Variants in CS observed in about 807,000 individuals in gnomAD.
The protein encoded by CS is citrate synthase, mitochondrial.
In CS, 13 loss-of-function variants were observed where a neutral mutation model predicts 61.4. The observed-to-expected ratio is 0.21, with a 90% CI of 0.14 to 0.34. The LOEUF (loss-of-function observed/expected upper bound fraction) is 0.34. Ranked by LOEUF, CS falls within the 10% of genes least tolerant of loss-of-function variation. The pLI, the probability that CS is intolerant of heterozygous loss-of-function variation, is 1.00. For missense variants in CS, 278 were observed against 573.4 expected, an observed-to-expected ratio of 0.48 and a Z score of 5.26; for synonymous variants, 159 against 215.2, an observed-to-expected ratio of 0.74 and a Z score of 2.29.
At chr12:56,295,951 CAAAAAAAAAAAAA>C (rs71081343) in intron 1 of CS, among the ~76,000 whole-genome samples, 57 of 40,508 alleles carry the variant, frequency 1.4e-3, no homozygotes, top group African/African-American at 6.4e-3. Context: ...GAAACTGTCT[CAAAAAAAAAAAAA>C]AAAAAAAAAA....
At chr12:56,289,822 TCAAG>T (rs1471950268) in intron 1 of CS, among the ~76,000 whole-genome samples, 1 of 152,112 alleles carries the variant, frequency 6.6e-6, no homozygotes, top group Non-Finnish European at 1.5e-5. Context: ...ACTCCTGGGC[TCAAG>T]CGATCTTCCT....
At chr12:56,293,772 T>C (rs1434244863) in intron 1 of CS, among the ~76,000 whole-genome samples, 1 of 152,120 alleles carries the variant, frequency 6.6e-6, no homozygotes, top group Non-Finnish European at 1.5e-5. Context: ...CGGAAGAAGC[T>C]CCTGATTTTA....
intron 6 of CS, among the ~76,000 whole-genome samples, chr12:56,279,582 C>T (rs1199305319): frequency 2.0e-5 from 3 of 151,720 alleles, no homozygotes; most frequent in East Asian, 1.9e-4. Context: ...CTGGCTAACA[C>T]GGTGAAACCC....
At chr12:56,280,086 G>A (rs572106311) in intron 6 of CS, among the ~76,000 whole-genome samples, 11 of 151,432 alleles carry the variant, frequency 7.3e-5, no homozygotes, top group Admixed American at 2.6e-4. Flanking sequence ...TGGACCAGCC[G>A]TTCTAGACCA....
At chr12:56,296,018 G>A (rs1448023938) in intron 1 of CS, among the ~76,000 whole-genome samples, 1 of 150,242 alleles carries the variant, frequency 6.7e-6, no homozygotes, top group Non-Finnish European at 1.5e-5. Context: ...GACACTTTAG[G>A]GATTTACAAG....
chr12:56,271,898 G>T lies in CS; in HGVS notation c.*1186C>A, dbSNP rs1233345976. 1 of 456,220 alleles carries T rather than the reference G, an allele frequency of 2.2e-6. No individual in the cohort carries two copies. The highest frequency in any genetic ancestry group is 4.4e-6 in the Non-Finnish European group (1 of 226,748). The allele number at this position is 456,220 out of a possible 1,614,324, so 28.3% of individuals were successfully genotyped here. On this transcript the variant is annotated 3_prime_UTR_variant, in exon 11 of 11. Transcript: ENST00000351328. The stretch of plus-strand genomic sequence containing the variant: ...GAGTGTATCTTAATCCTTTCTCAAA[G>T]AAAAAGAAGTAGAGCATTCTGAGTT...
At chr12:56,284,349 A>AG (rs1565621538) in intron 3 of CS, among the ~76,000 whole-genome samples, 1 of 150,016 alleles carries the variant, frequency 6.7e-6, no homozygotes, top group Non-Finnish European at 1.5e-5. Flanking sequence ...AAAAAAAAAA[A>AG]CAAACTTTGT....
chr12:56,283,683 A>G lies in CS; in HGVS notation c.267+109T>C, dbSNP rs868061757. ...ACATATGTCTTCTCTACCTTCCAAT[A>G]TATGAAGCTAGGTGCTCTGTTTTGT... is the stretch of plus-strand genomic sequence containing the variant. On this transcript the variant is annotated intron_variant, in intron 4 of 10. Coordinates refer to ENST00000351328, the MANE Select transcript of CS (RefSeq NM_004077.3). The G allele has an allele frequency of 8.1e-6, 6 of 744,980 alleles. No homozygotes were observed. In the Middle Eastern group the frequency reaches 1.2e-3, roughly 154 times the overall value. 46.1% of individuals were successfully genotyped at this position (744,980 alleles called of 1,614,324 possible). A position where few individuals can be genotyped will look rare whatever the true frequency, so the allele number is the denominator to read the frequency against.
chr12:56,278,971 C>T lies in CS; in HGVS notation c.589-2776G>A, dbSNP rs71459357. ...GTATTATTTTGTAGAGATGGGGTTTCGCCATGTTGGCCAGACTGGTCTTGA... is the reference window on the plus strand; with the variant it reads ...GTATTATTTTGTAGAGATGGGGTTTTGCCATGTTGGCCAGACTGGTCTTGA... On this transcript the variant is annotated intron_variant, in intron 6 of 10. Transcript: ENST00000351328. Among the ~76,000 whole-genome samples, 513 of 152,050 alleles carry T rather than the reference C, an allele frequency of 3.4e-3. 3 individuals are homozygous for T. Among genetic ancestry groups the T allele is most frequent in the Non-Finnish European group, 5.6e-3 (384 of 67,976 alleles).
intron 1 of CS, among the ~76,000 whole-genome samples, chr12:56,296,727 C>T (rs933258338): frequency 6.6e-6 from 1 of 152,104 alleles, no homozygotes; most frequent in African/African-American, 2.4e-5. Flanking sequence ...TTCTTGCTGC[C>T]TCCCCATGCA....
chr12:56,284,146 C>A (rs1872858331), intron 3 of CS, among the ~76,000 whole-genome samples: 1 of 151,462 alleles, frequency 6.6e-6, no homozygotes, highest in South Asian at 2.1e-4. Flanking sequence ...CAGGGTGAAA[C>A]CATGTCTCTA....
chr12:56,295,425 G>A (rs909461354), intron 1 of CS, among the ~76,000 whole-genome samples: 1 of 151,874 alleles, frequency 6.6e-6, no homozygotes, highest in South Asian at 2.1e-4. Context: ...GGAGGCTGAG[G>A]CAGGAGAATA....
chr12:56,285,279 ATCTT>A (rs779736145), intron 3 of CS: 1 of 445,376 alleles, frequency 2.2e-6, no homozygotes. Flanking sequence ...AGAAATCACT[ATCTT>A]TCTTTTTGTT....
chr12:56,283,807 A>T lies in CS; in HGVS notation c.252T>A (p.Val84=), dbSNP rs1332931008. The T allele has an allele frequency of 2.5e-6, 4 of 1,611,436 alleles. No homozygotes were observed. In the African/African-American group the frequency reaches 5.3e-5, roughly 22 times the overall value. Residue 84 remains valine, a synonymous_variant, in exon 4 of 11, where the codon GTT becomes GTA. Coordinates refer to ENST00000351328, the MANE Select transcript of CS (RefSeq NM_004077.3). ...GMKGLVYETS[V]LDPDEGIRFR... is the part of the protein sequence containing the mutation. The stretch of plus-strand genomic sequence containing the variant: ...GATGTCTTACCTCATCAGGATCAAG[A>T]ACTGATGTTTCATAGACCAATCCCT...
At chr12:56,293,105 C>CA (rs933116294) in intron 1 of CS, among the ~76,000 whole-genome samples, 1 of 151,744 alleles carries the variant, frequency 6.6e-6, no homozygotes, top group African/African-American at 2.4e-5. Context: ...GACTCTGTCT[C>CA]AAAAAACAAA....
intron 1 of CS, among the ~76,000 whole-genome samples, chr12:56,292,091 C>A (rs1343326438): frequency 6.6e-6 from 1 of 152,168 alleles, no homozygotes; most frequent in Non-Finnish European, 1.5e-5. Flanking sequence ...TCTGCCTTTG[C>A]CTCTTTAAAA....
chr12:56,294,613 C>G (rs1292660619), intron 1 of CS, among the ~76,000 whole-genome samples: 1 of 151,592 alleles, frequency 6.6e-6, no homozygotes, highest in African/African-American at 2.4e-5. Context: ...GTCACCCAGG[C>G]TGGAGTGCAG....
chr12:56,273,257 G>GT lies in CS; in HGVS notation c.1231-4dup. 6.2e-7 allele frequency: 1 copy of GT among 1,613,500 alleles called. No individual in the cohort carries two copies. The highest frequency in any genetic ancestry group is 8.5e-7 in the Non-Finnish European group (1 of 1,179,674). On this transcript the variant is annotated splice_polypyrimidine_tract_variant and splice_region_variant and intron_variant, in intron 10 of 10. Transcript: ENST00000351328. ...TTCATCTCCGTCATGCCATAATACT[G>GT]TAAGGTAGAAGAGAAAAATATTTCA...
At position 56,285,118 on chromosome 12, in the gene CS, T is replaced by C. The variant is rs141724655; in HGVS notation, c.201+798A>G. ...TGCCACCATGCCCAGCTAATTTTTA[T>C]ATTTTTTAGTAGAGACGGAGTTTTA... On this transcript the variant is annotated intron_variant, in intron 3 of 10. Transcript: ENST00000351328. The C allele has an allele frequency of 2.9e-3, 617 of 210,572 alleles. 3 individuals carry two copies. The highest frequency in any genetic ancestry group is 0.014 in the African/African-American group (582 of 42,494). 13.0% of individuals were successfully genotyped at this position (210,572 alleles called of 1,614,324 possible).
Sources: allele counts gnomAD v4.1 joint callset (sites outside exome capture counted in the v4.1 genomes callset), GRCh38; gene constraint gnomAD v4.1.1; transcripts MANE v1.5; gene names NCBI Gene and HGNC (gene_info 2026-07-23, HGNC 2026-07-21).